The following RAD50 variants were observed in gnomAD, a reference collection of about 807,000 sequenced individuals.
RAD50 encodes DNA repair protein RAD50.
RAD50 carries 132 observed loss-of-function variants against 168.8 expected under a neutral mutation model. The ratio of observed to expected loss-of-function variants is 0.78; its 90% confidence interval spans 0.68 to 0.90. The LOEUF (loss-of-function observed/expected upper bound fraction) is 0.90. Ranked by LOEUF, RAD50 falls within the 40% of genes least tolerant of loss-of-function variation. The pLI, the probability that RAD50 is intolerant of heterozygous loss-of-function variation, is 0.00. For synonymous variants in RAD50, 525 were observed against 497.4 expected (o/e 1.06, Z -0.74); for missense variants, 1,347 against 1,534.4 (o/e 0.88, Z 2.04).
chr5:132,572,184 G>T (rs1266747419), intron 2 of RAD50, among the ~76,000 whole-genome samples: 2 of 152,130 alleles, frequency 1.3e-5, no homozygotes, highest in Non-Finnish European at 2.9e-5. Flanking sequence ...ACTCATTCAT[G>T]ATAAAAACTC....
Position 132,631,228 on chromosome 5 carries a change from C to G in RAD50, c.3390-5887C>G, listed in dbSNP as rs193267700. On this transcript the variant is annotated intron_variant, in intron 21 of 24. Transcript: ENST00000378823. ...CTCCACCTCCCAGGTTCAAGCGATC[C>G]TCCTGCCTCAGCCTCCCAAATAGCT... Among the ~76,000 whole-genome samples the G allele has an allele frequency of 3.5e-3, 526 of 151,698 alleles. 4 individuals are homozygous for G. The highest frequency in any genetic ancestry group is 0.012 in the African/African-American group (507 of 41,296).
chr5:132,611,860 TA>T (rs1212289440), intron 19 of RAD50, among the ~76,000 whole-genome samples: 2 of 151,986 alleles, frequency 1.3e-5, no homozygotes, highest in South Asian at 2.1e-4. Flanking sequence ...CGCAGGGCTT[TA>T]AAAAAAATAC....
rs57194914 is a variant in RAD50 at position 132,643,391 on chromosome 5, C to T, written c.*1027C>T. 0.019 allele frequency: 4,604 copies of T among 239,206 alleles called. 213 individuals are homozygous for T. Among genetic ancestry groups the T allele is most frequent in the African/African-American group, 0.092 (4,282 of 46,358 alleles). The allele number at this position is 239,206 out of a possible 1,614,324, so 14.8% of individuals were successfully genotyped here. A position where few individuals can be genotyped will look rare whatever the true frequency, so the allele number is the denominator to read the frequency against. On this transcript the variant is annotated 3_prime_UTR_variant, in exon 25 of 25. Coordinates refer to ENST00000378823, the MANE Select transcript of RAD50 (RefSeq NM_005732.4). ...TTCCACACAGAATGCAACCAAGTCA[C>T]ACGCTTTTGAATTATGCTTTGTAGA...
intron 19 of RAD50, 117 bp from the exon 20 acceptor site, chr5:132,615,886 A>C: frequency 9.6e-7 from 1 of 1,039,138 alleles, no homozygotes; most frequent in Non-Finnish European, 1.5e-6. Context: ...CCCTCTGTTG[A>C]ATTTCACATG....
At chr5:132,618,962 T>G (rs1342053057) in intron 21 of RAD50, among the ~76,000 whole-genome samples, 7 of 152,250 alleles carry the variant, frequency 4.6e-5, no homozygotes, top group Non-Finnish European at 7.3e-5. Context: ...AAAACAGTTT[T>G]ATCATATATA....
chr5:132,635,480 T>C (rs1360660092), intron 21 of RAD50, among the ~76,000 whole-genome samples: 1 of 152,114 alleles, frequency 6.6e-6, no homozygotes, highest in African/African-American at 2.4e-5. Flanking sequence ...ATCAACTCCA[T>C]CCGACACACT....
chr5:132,591,594 C>T (rs1023319558), intron 10 of RAD50, among the ~76,000 whole-genome samples, 188 bp downstream of exon 10: 1 of 152,042 alleles, frequency 6.6e-6, no homozygotes, highest in Non-Finnish European at 1.5e-5. Flanking sequence ...AAAGTTAATA[C>T]AGAAATGTAT....
intron 19 of RAD50, among the ~76,000 whole-genome samples, chr5:132,614,623 A>G (rs1187987431): frequency 6.6e-5 from 10 of 152,040 alleles, no homozygotes; most frequent in African/African-American, 2.4e-4. Context: ...ATTGCTTTTG[A>G]TATTAATATG....
chr5:132,637,234 C>A, intron 22 of RAD50, 34 bp downstream of exon 22: 1 of 1,598,366 alleles, frequency 6.3e-7, no homozygotes. Flanking sequence ...ATGCTCTTTC[C>A]AAAGCCCTCT....
chr5:132,594,906 A>G lies in RAD50; in HGVS notation c.1831A>G (p.Ile611Val), dbSNP rs138315079. The G allele has an allele frequency of 3.7e-6, 6 of 1,606,520 alleles. No individual in the cohort carries two copies. The East Asian group carries it at 1.3e-4, about 36-fold the overall frequency. Residue 611 changes from isoleucine (I) to valine (V), a missense_variant, in exon 12 of 25, where the codon ATA becomes GTA. Coordinates refer to ENST00000378823, the MANE Select transcript of RAD50 (RefSeq NM_005732.4). ...TTCATCTGAGCAGAATAAAAATCAT[A>G]TAAATAATGAACTAAAAAGAAAGGA... ...LASSEQNKNH[I>V]NNELKRKEEQ...
At chr5:132,583,017 G>A (rs977384797) in intron 5 of RAD50, among the ~76,000 whole-genome samples, 2 of 152,166 alleles carry the variant, frequency 1.3e-5, no homozygotes, top group African/African-American at 4.8e-5. Flanking sequence ...CTACCAAGAG[G>A]CAGTGAAAAC....
chr5:132,591,488 G>C, intron 10 of RAD50, 82 bp downstream of exon 10: 1 of 1,355,766 alleles, frequency 7.4e-7, no homozygotes, highest in East Asian at 2.5e-5. Flanking sequence ...TAGACTATAA[G>C]GTATTAAGTT....
At chr5:132,616,831 G>A (rs1751186066) in intron 20 of RAD50, among the ~76,000 whole-genome samples, 1 of 152,120 alleles carries the variant, frequency 6.6e-6, no homozygotes, top group African/African-American at 2.4e-5. Context: ...CTTCCTTGTA[G>A]AGTTTTCATG....
At chr5:132,613,498 A>G (rs1429490537) in intron 19 of RAD50, among the ~76,000 whole-genome samples, 1 of 152,150 alleles carries the variant, frequency 6.6e-6, no homozygotes, top group Non-Finnish European at 1.5e-5. Flanking sequence ...TTACAGTACA[A>G]AGGACAAATT....
At chr5:132,609,076 T>G in intron 17 of RAD50, 41 bp from the exon 18 acceptor site, 2 of 1,605,240 alleles carry the variant, frequency 1.2e-6, no homozygotes, top group Non-Finnish European at 8.5e-7. Flanking sequence ...TATGTGCCCT[T>G]AAGTACAACC....
At chr5:132,570,829 A>C (rs1750290039) in intron 2 of RAD50, among the ~76,000 whole-genome samples, 1 of 152,248 alleles carries the variant, frequency 6.6e-6, no homozygotes, top group African/African-American at 2.4e-5. Flanking sequence ...TAACTGATGA[A>C]AGAGGCCTAA....
rs1220866790 is a variant in RAD50 at position 132,643,715 on chromosome 5, GGTGGTGGGGT to G, written c.*1353_*1362del. ...CCTTAAGACAGAGTATCCTGGGGGT[GGTGGTGGGGT>G]GGGGGGGGGTCCTAAATGTAATCAC... On this transcript the variant is annotated 3_prime_UTR_variant, in exon 25 of 25. Coordinates refer to ENST00000378823, the MANE Select transcript of RAD50 (RefSeq NM_005732.4). 4.6e-6 allele frequency: 1 copy of G among 219,500 alleles called. No homozygotes were observed. Among genetic ancestry groups the G allele is most frequent in the Non-Finnish European group, 9.1e-6 (1 of 109,434 alleles). The allele number at this position is 219,500 out of a possible 1,614,324, so 13.6% of individuals were successfully genotyped here.
chr5:132,620,141 G>C, intron 21 of RAD50, among the ~76,000 whole-genome samples: 1 of 151,974 alleles, frequency 6.6e-6, no homozygotes, highest in East Asian at 1.9e-4. Context: ...TCCTGACCTC[G>C]TGATCCACCT....
chr5:132,592,330 T>C (rs1385659517), intron 11 of RAD50, among the ~76,000 whole-genome samples: 3 of 152,154 alleles, frequency 2.0e-5, no homozygotes, highest in Non-Finnish European at 2.9e-5. Flanking sequence ...ACCATGTCAG[T>C]GTAGTCTTTT....
Sources: allele counts gnomAD v4.1 joint callset (sites outside exome capture counted in the v4.1 genomes callset), GRCh38; gene constraint gnomAD v4.1.1; transcripts MANE v1.5; gene names NCBI Gene and HGNC (gene_info 2026-07-23, HGNC 2026-07-21).